Variants in TAF1 observed in about 807,000 individuals in gnomAD.
TAF1 encodes TATA-box binding protein associated factor 1.
TAF1 carries 2 observed loss-of-function variants against 138.5 expected under a neutral mutation model. That is an observed-to-expected ratio of 0.01 (90% CI 0.01 to 0.05). TAF1 has a LOEUF of 0.05. Ranked by LOEUF, TAF1 falls within the 10% of genes least tolerant of loss-of-function variation. The pLI, the probability that TAF1 is intolerant of heterozygous loss-of-function variation, is 1.00. For missense variants in TAF1, 709 were observed against 1,478.0 expected (o/e 0.48, Z 8.53); for synonymous variants, 437 against 503.2 (o/e 0.87, Z 1.76).
At chrX:71,439,679 G>A (rs1352651816) in intron 32 of TAF1, among the ~76,000 whole-genome samples, 3 of 111,669 alleles carry the variant, frequency 2.7e-5, no homozygotes, top group South Asian at 3.7e-4. Context: ...GCCCTGTTCC[G>A]CAAGAGCAGT....
chrX:71,476,381 A>C (rs2038980285), intron 13 of TAF1, among the ~76,000 whole-genome samples: 1 of 111,022 alleles, frequency 9.0e-6, no homozygotes, highest in African/African-American at 3.3e-5. Context: ...CATGCCTGTA[A>C]TTTTAGCAGT....
At chrX:71,459,511 G>T in intron 35 of TAF1, 41 bp from the exon 36 acceptor site, 1 of 1,203,698 alleles carries the variant, frequency 8.3e-7, no homozygotes, top group Non-Finnish European at 1.1e-6. Flanking sequence ...CTCTTATGTG[G>T]TCAGTTGATA....
chrX:71,523,781 C>T (rs1444444949), intron 13 of TAF1, among the ~76,000 whole-genome samples: 1 of 111,295 alleles, frequency 9.0e-6, no homozygotes, highest in Non-Finnish European at 1.9e-5. Flanking sequence ...GATCTCTGTG[C>T]ACCATGATTT....
chrX:71,452,333 C>T (rs756723385), intron 32 of TAF1, among the ~76,000 whole-genome samples: 5 of 110,173 alleles, frequency 4.5e-5, no homozygotes, highest in Non-Finnish European at 9.5e-5. Context: ...AGGGTCTCCT[C>T]ACTTCTCAGA....
intron 14 of TAF1, among the ~76,000 whole-genome samples, chrX:71,528,990 G>A (rs1447953186): frequency 8.9e-6 from 1 of 111,875 alleles, no homozygotes; most frequent in Non-Finnish European, 1.9e-5. Context: ...GACACAGAGC[G>A]CTAATTGGTG....
chrX:71,460,797 A>T lies in TAF1; in HGVS notation c.5393A>T (p.Asn1798Ile). 3.4e-6 allele frequency: 4 copies of T among 1,185,337 alleles called. No individual in the cohort carries two copies. Among genetic ancestry groups the T allele is most frequent in the Non-Finnish European group, 4.5e-6 (4 of 881,538 alleles). ...GCTTCCCATGGTTTGGAGGATAGCAACATCAGGTAATCGACAGCAACATGC... is the reference window on the plus strand; with the variant it reads ...GCTTCCCATGGTTTGGAGGATAGCATCATCAGGTAATCGACAGCAACATGC... ...GEASHGLEDS[N>I]ISYGSYEEPD... Residue 1798 changes from asparagine to isoleucine, a missense_variant, in exon 37 of 38, where the codon AAC becomes ATC. Asn to Ile is a moderately radical substitution (Grantham distance 149). Transcript: ENST00000423759.
At chrX:71,448,190 C>T (rs2037785789) in intron 32 of TAF1, among the ~76,000 whole-genome samples, 1 of 111,300 alleles carries the variant, frequency 9.0e-6, no homozygotes, top group African/African-American at 3.3e-5. Context: ...GAGTTCAATT[C>T]TGTTTAATCT....
intron 28 of TAF1, 49 bp downstream of exon 28, chrX:71,408,200 A>G: frequency 8.5e-7 from 1 of 1,181,948 alleles, no homozygotes; most frequent in African/African-American, 1.7e-5. Flanking sequence ...TCAGATCCTT[A>G]TTCCTTACTG....
Position 71,458,001 on chromosome X carries a change from T to C in TAF1, c.4939-240T>C, listed in dbSNP as rs183508510. Among the ~76,000 whole-genome samples the C allele has an allele frequency of 3.5e-5, 4 of 112,768 alleles. No individual in the cohort carries two copies. The East Asian group carries it at 1.1e-3, about 31-fold the overall frequency. On this transcript the variant is annotated intron_variant, in intron 34 of 37. Transcript: ENST00000423759. ...GCTGTTAGGACATAAAATTGTCCCA[T>C]AGCTTTGGTGCATTTCTGCTTCAGG...
rs141119800 is a variant in TAF1 at position 71,448,364 on chromosome X, G to A, written c.4754-5806G>A. Among the ~76,000 whole-genome samples the A allele has an allele frequency of 1.2e-4, 13 of 111,848 alleles. No homozygotes were observed. In the East Asian group the frequency reaches 3.3e-3, roughly 29 times the overall value. ...TCCTGATTGCTCCAGAATGTAGAAC[G>A]ATATTTTTAGATTTTTGGAGATGGT... On this transcript the variant is annotated intron_variant, in intron 32 of 37. Coordinates refer to ENST00000423759, the MANE Select transcript of TAF1 (RefSeq NM_004606.5).
chrX:71,369,670 A>G (rs186951160), intron 3 of TAF1, among the ~76,000 whole-genome samples: 1,361 of 105,146 alleles, frequency 0.013, 10 homozygotes, highest in African/African-American at 0.033. Flanking sequence ...CAGTGGTGCA[A>G]TCTTGGCTCA....
intron 28 of TAF1, 61 bp downstream of exon 28, chrX:71,408,212 C>A (rs2035574116): frequency 1.5e-5 from 17 of 1,163,089 alleles, no homozygotes; most frequent in Non-Finnish European, 2.0e-5. Flanking sequence ...TCCTTACTGG[C>A]CCTAAATTCA....
intron 12 of TAF1, 23 bp from the exon 13 acceptor site, chrX:71,383,939 G>A (rs1466980401): frequency 8.3e-7 from 1 of 1,201,269 alleles, no homozygotes. Context: ...GGAGCTAGAT[G>A]GTATTTTCTT....
At chrX:71,525,506 A>G (rs1208530029) in intron 13 of TAF1, among the ~76,000 whole-genome samples, 1 of 112,526 alleles carries the variant, frequency 8.9e-6, no homozygotes, top group Non-Finnish European at 1.9e-5. Flanking sequence ...ACATTACAGC[A>G]TTGTGCAATG....
In TAF1 at chrX:71,397,484, C is replaced by T; in HGVS notation, c.3620+18C>T. On this transcript the variant is annotated intron_variant, in intron 23 of 37. Coordinates refer to ENST00000423759, the MANE Select transcript of TAF1 (RefSeq NM_004606.5). ...GAATTCATGTGAGTTTGATTTACCA[C>T]TTCCTTTTTTTTCTTTGAGGACAGA... The T allele has an allele frequency of 2.5e-6, 3 of 1,209,732 alleles. No homozygotes were observed. In the African/African-American group the frequency reaches 5.2e-5, roughly 21 times the overall value.
chrX:71,393,292 G>A lies in TAF1; in HGVS notation c.3052-9G>A. Reference sequence around the variant, plus strand: ...TATTTATATTTGTGTGTGGCTATTTGTCTCGTAGATTAAAAAGTTGTCCCG... The same window carrying A: ...TATTTATATTTGTGTGTGGCTATTTATCTCGTAGATTAAAAAGTTGTCCCG... On this transcript the variant is annotated splice_polypyrimidine_tract_variant and intron_variant, in intron 20 of 37. Transcript: ENST00000423759. 2 of 1,195,060 alleles carry A rather than the reference G, an allele frequency of 1.7e-6. No individual in the cohort carries two copies. Among genetic ancestry groups the A allele is most frequent in the South Asian group, 3.7e-5 (2 of 54,179 alleles).
At chrX:71,498,210 A>T (rs2039433296) in intron 13 of TAF1, among the ~76,000 whole-genome samples, 1 of 111,788 alleles carries the variant, frequency 8.9e-6, no homozygotes. Context: ...AGACCGTCAC[A>T]TAAGTTGGGA....
chrX:71,366,582 C>T lies in TAF1; in HGVS notation c.120+88C>T, dbSNP rs376306205. 1.2e-3 allele frequency: 1,117 copies of T among 929,501 alleles called. 6 individuals carry two copies. In the South Asian group the frequency reaches 0.026, roughly 22 times the overall value. 76.6% of individuals were successfully genotyped at this position (929,501 alleles called of 1,213,427 possible). A position where few individuals can be genotyped will look rare whatever the true frequency, so the allele number is the denominator to read the frequency against. On this transcript the variant is annotated intron_variant, in intron 1 of 37. Coordinates refer to ENST00000423759, the MANE Select transcript of TAF1 (RefSeq NM_004606.5). ...GGGAGGAAAGGAGAGGGTGCTCAGG[C>T]AGCGAGAACAGGGCGCAGCTAACGC...
At chrX:71,498,939 C>T (rs916756410) in intron 13 of TAF1, among the ~76,000 whole-genome samples, 3 of 111,490 alleles carry the variant, frequency 2.7e-5, no homozygotes, top group Admixed American at 1.9e-4. Flanking sequence ...GAAAGCCACG[C>T]CAGTGTCCAG....
Sources: allele counts gnomAD v4.1 joint callset (sites outside exome capture counted in the v4.1 genomes callset), GRCh38; gene constraint gnomAD v4.1.1; transcripts MANE v1.5; gene names NCBI Gene and HGNC (gene_info 2026-07-23, HGNC 2026-07-21).